The following MBD2 variants were observed in gnomAD, a reference collection of about 807,000 sequenced individuals.
The protein encoded by MBD2 is methyl-CpG-binding domain protein 2.
Under a neutral mutation model 39.3 loss-of-function variants are expected in MBD2, and 9 were observed. That is an observed-to-expected ratio of 0.23 (90% CI 0.14 to 0.40). The LOEUF (loss-of-function observed/expected upper bound fraction) is 0.40, where lower values mean the gene tolerates loss of function less well. MBD2 is among the 10% of genes least tolerant of loss of function. The probability of loss-of-function intolerance (pLI) is 1.00; values close to 1 mark genes in which losing one functional copy is unlikely to be tolerated. For synonymous variants in MBD2, 233 were observed against 211.1 expected, an observed-to-expected ratio of 1.10 and a Z score of -0.90; for missense variants, 458 against 532.6, an observed-to-expected ratio of 0.86 and a Z score of 1.38.
At chr18:54,209,784 C>T (rs937930019) in intron 1 of MBD2, among the ~76,000 whole-genome samples, 6 of 152,064 alleles carry the variant, frequency 3.9e-5, no homozygotes, top group African/African-American at 1.4e-4. Flanking sequence ...GCAAACTGAC[C>T]CTGGGAGAGG....
intron 5 of MBD2, 133 bp downstream of exon 5, chr18:54,164,390 C>A (rs2086116035): frequency 1.1e-5 from 8 of 751,392 alleles, no homozygotes; most frequent in South Asian, 2.1e-5. Context: ...CTGAAAAACT[C>A]TGTTAAAAAA....
intron 1 of MBD2, among the ~76,000 whole-genome samples, chr18:54,212,628 T>A (rs1354385171): frequency 6.6e-6 from 1 of 151,968 alleles, no homozygotes; most frequent in Non-Finnish European, 1.5e-5. Flanking sequence ...GAATGAAAAT[T>A]TCTCTATTTT....
intron 6 of MBD2, among the ~76,000 whole-genome samples, chr18:54,155,597 A>G (rs2086046667): frequency 6.6e-6 from 1 of 152,242 alleles, no homozygotes; most frequent in African/African-American, 2.4e-5. Context: ...ACTACAATTA[A>G]CTACATCAGC....
intron 3 of MBD2, among the ~76,000 whole-genome samples, chr18:54,175,932 T>C (rs186993804): frequency 6.6e-6 from 1 of 152,362 alleles, no homozygotes; most frequent in Admixed American, 6.5e-5. Flanking sequence ...TTGTCAAAGA[T>C]TTAGACTACA....
At chr18:54,211,707 C>T (rs1047883655) in intron 1 of MBD2, among the ~76,000 whole-genome samples, 5 of 152,146 alleles carry the variant, frequency 3.3e-5, no homozygotes, top group African/African-American at 7.2e-5. Context: ...TAACTTTGCT[C>T]GTCTCTTTGC....
In MBD2 at chr18:54,201,963, G is replaced by A. The variant is rs149344681; in HGVS notation, c.702+3035C>T. On this transcript the variant is annotated intron_variant, in intron 2 of 6. Transcript: ENST00000256429. ...GGAAAACATGTTAAAATCATAGCTTGTAATTACTTAATGTAAATTATAATG... is the reference window on the plus strand; with the variant it reads ...GGAAAACATGTTAAAATCATAGCTTATAATTACTTAATGTAAATTATAATG... Among the ~76,000 whole-genome samples, 1,158 of 151,930 alleles carry A rather than the reference G, an allele frequency of 7.6e-3. 26 individuals are homozygous for A. The highest frequency in any genetic ancestry group is 0.027 in the African/African-American group (1,109 of 41,432).
chr18:54,208,151 G>A (rs1452829810), intron 1 of MBD2, among the ~76,000 whole-genome samples: 1 of 151,990 alleles, frequency 6.6e-6, no homozygotes, highest in Non-Finnish European at 1.5e-5. Flanking sequence ...TGATAAACTA[G>A]TTAACATACC....
At chr18:54,193,549 A>T (rs1375849610) in intron 2 of MBD2, among the ~76,000 whole-genome samples, 1 of 152,202 alleles carries the variant, frequency 6.6e-6, no homozygotes. Context: ...TCTTATTTTT[A>T]AAAATTTTAC....
At chr18:54,189,888 A>T (rs891975503) in intron 2 of MBD2, among the ~76,000 whole-genome samples, 6 of 152,012 alleles carry the variant, frequency 3.9e-5, no homozygotes, top group African/African-American at 1.4e-4. Flanking sequence ...GACTCTAGCA[A>T]TCTGCAGGCC....
intron 3 of MBD2, among the ~76,000 whole-genome samples, chr18:54,172,411 G>A (rs475368): frequency 0.84 from 128,123 of 152,204 alleles, 54,435 homozygotes; most frequent in East Asian, 1. Context: ...CGACACTAAC[G>A]ATGGTATGGG....
chr18:54,219,342 T>A (rs2086589141), intron 1 of MBD2, among the ~76,000 whole-genome samples: 1 of 152,308 alleles, frequency 6.6e-6, no homozygotes, highest in South Asian at 2.1e-4. Flanking sequence ...AAGCAAAAAC[T>A]ACAAAGTCAT....
intron 3 of MBD2, among the ~76,000 whole-genome samples, chr18:54,170,915 G>A (rs1040032889): frequency 3.3e-5 from 5 of 152,098 alleles, no homozygotes; most frequent in African/African-American, 1.2e-4. Flanking sequence ...GCAGGTCAGT[G>A]TTTCTAAAGA....
At chr18:54,168,917 C>T (rs1402477652) in intron 3 of MBD2, among the ~76,000 whole-genome samples, 1 of 152,064 alleles carries the variant, frequency 6.6e-6, no homozygotes, top group East Asian at 1.9e-4. Flanking sequence ...TCTCAGATCC[C>T]TGTTTTATTT....
At chr18:54,222,406 G>A (rs745951660) in intron 1 of MBD2, 15 of 511,338 alleles carry the variant, frequency 2.9e-5, no homozygotes, top group Non-Finnish European at 5.4e-5. Context: ...ACCTGTGAAA[G>A]TGCTCACAAT....
chr18:54,171,453 T>C (rs575896483), intron 3 of MBD2, among the ~76,000 whole-genome samples: 1 of 152,248 alleles, frequency 6.6e-6, no homozygotes, highest in Non-Finnish European at 1.5e-5. Context: ...CTCCAAGTAT[T>C]ATTCTTCACT....
rs2086040464 is a variant in MBD2, at chr18:54,154,609, A to G, written c.*715T>C. 6.6e-6 allele frequency: 1 copy of G among 152,262 alleles called. No homozygotes were observed. The highest frequency in any genetic ancestry group is 1.5e-5 in the Non-Finnish European group (1 of 68,048). 9.4% of individuals were successfully genotyped at this position (152,262 alleles called of 1,614,324 possible). A position where few individuals can be genotyped will look rare whatever the true frequency, so the allele number is the denominator to read the frequency against. On this transcript the variant is annotated 3_prime_UTR_variant, in exon 7 of 7. Coordinates refer to ENST00000256429, the MANE Select transcript of MBD2 (RefSeq NM_003927.5). ...AGTCCAAGTCACAGGCAAGGAAAAA[A>G]AATTACACATGCTAGGTGATATTTA...
chr18:54,184,794 C>T (rs1424173177), intron 3 of MBD2, among the ~76,000 whole-genome samples: 2 of 152,212 alleles, frequency 1.3e-5, no homozygotes, highest in Non-Finnish European at 2.9e-5. Context: ...CTGTACTACT[C>T]TACTATTCAT....
intron 1 of MBD2, among the ~76,000 whole-genome samples, chr18:54,221,074 GA>G (rs2086607471): frequency 6.6e-6 from 1 of 152,134 alleles, no homozygotes; most frequent in African/African-American, 2.4e-5. Context: ...CAATGTCCCA[GA>G]AAAAGACTTT....
chr18:54,177,620 A>G (rs1009029040), intron 3 of MBD2, among the ~76,000 whole-genome samples: 8 of 151,908 alleles, frequency 5.3e-5, no homozygotes, highest in Admixed American at 2.6e-4. Flanking sequence ...AGCTGGGACT[A>G]CAGGCGCCCG....
Sources: allele counts gnomAD v4.1 joint callset (sites outside exome capture counted in the v4.1 genomes callset), GRCh38; gene constraint gnomAD v4.1.1; transcripts MANE v1.5; gene names NCBI Gene and HGNC (gene_info 2026-07-23, HGNC 2026-07-21).